Variants in BCLAF3 observed in about 807,000 individuals in gnomAD.
BCLAF3 encodes the protein transient octamer binding factor 1.
A neutral mutation model predicts 51.2 loss-of-function variants in BCLAF3; 24 were observed. The ratio of observed to expected loss-of-function variants is 0.47; its 90% confidence interval spans 0.34 to 0.66. The LOEUF is 0.66. BCLAF3 is among the 30% of genes least tolerant of loss of function. The pLI, the probability that BCLAF3 is intolerant of heterozygous loss-of-function variation, is 0.01. For synonymous variants in BCLAF3, 152 were observed against 176.6 expected, an observed-to-expected ratio of 0.86 and a Z score of 1.10; for missense variants, 465 against 525.1, an observed-to-expected ratio of 0.89 and a Z score of 1.12.
intron 11 of BCLAF3, among the ~76,000 whole-genome samples, chrX:19,927,593 A>C (rs1452871006): frequency 8.9e-6 from 1 of 111,747 alleles, no homozygotes; most frequent in African/African-American, 3.2e-5. Context: ...ATCATGAACT[A>C]AAATGAGCCT....
intron 1 of BCLAF3, among the ~76,000 whole-genome samples, chrX:19,974,022 T>C (rs758296806): frequency 1.8e-5 from 2 of 112,151 alleles, no homozygotes; most frequent in Non-Finnish European, 3.8e-5. Context: ...TGGTACAGTA[T>C]AACCAGTTTG....
chrX:19,982,278 CCAA>C (rs1010125070), intron 1 of BCLAF3, among the ~76,000 whole-genome samples: 5 of 110,316 alleles, frequency 4.5e-5, no homozygotes, highest in Non-Finnish European at 7.6e-5. Context: ...CCCCCTCTCT[CCAA>C]CAACAACAAC....
At chrX:19,958,079 T>C (rs2071727182) in intron 4 of BCLAF3, among the ~76,000 whole-genome samples, 1 of 111,861 alleles carries the variant, frequency 8.9e-6, no homozygotes, top group Non-Finnish European at 1.9e-5. Flanking sequence ...AAAATTAAAA[T>C]ACAGCCAAAA....
chrX:19,973,416 C>T (rs1417058109), intron 1 of BCLAF3, among the ~76,000 whole-genome samples: 1 of 111,646 alleles, frequency 9.0e-6, no homozygotes, highest in East Asian at 2.8e-4. Flanking sequence ...CTCAAGAAAA[C>T]TAATAACCCA....
chrX:19,937,478 G>A lies in BCLAF3; in HGVS notation c.1800C>T (p.Phe600=). Residue 600 remains phenylalanine (F), a synonymous_variant, in exon 9 of 12, where the codon TTC becomes TTT. Coordinates refer to ENST00000379682, the MANE Select transcript of BCLAF3 (RefSeq NM_001367774.2). Reference sequence around the variant, plus strand: ...ATTTTATAAAATGTGTGGGTTTTTGGAATCCATCAGTATGAACATTCTTTA... The same window carrying A: ...ATTTTATAAAATGTGTGGGTTTTTGAAATCCATCAGTATGAACATTCTTTA... ...SKVKNVHTDG[F]QKPTHFIKSN... is the part of the protein sequence containing the mutation. 8.5e-7 allele frequency: 1 copy of A among 1,181,901 alleles called. No individual in the cohort carries two copies. Among genetic ancestry groups the A allele is most frequent in the South Asian group, 1.8e-5 (1 of 54,255 alleles).
intron 7 of BCLAF3, among the ~76,000 whole-genome samples, chrX:19,952,148 C>G (rs918962742): frequency 9.0e-6 from 1 of 111,573 alleles, no homozygotes; most frequent in Non-Finnish European, 1.9e-5. Flanking sequence ...TTTTAAAAAA[C>G]CACAGATTTC....
At chrX:19,937,279 C>A (rs1430158220) in intron 9 of BCLAF3, 139 bp downstream of exon 9, 3 of 483,511 alleles carry the variant, frequency 6.2e-6, no homozygotes, top group Non-Finnish European at 1.1e-5. Flanking sequence ...GTCATAATAA[C>A]TTTAAGCATC....
intron 10 of BCLAF3, among the ~76,000 whole-genome samples, chrX:19,934,440 A>C (rs979226306): frequency 1.8e-5 from 2 of 112,268 alleles, no homozygotes; most frequent in Non-Finnish European, 3.8e-5. Flanking sequence ...AAGAGATCAA[A>C]AGATGGTATA....
intron 1 of BCLAF3, among the ~76,000 whole-genome samples, chrX:19,984,072 C>CA (rs1168246147): frequency 0.11 from 1,740 of 15,138 alleles, 352 homozygotes; most frequent in African/African-American, 0.29. Flanking sequence ...GACTCCATCT[C>CA]AAAAAAAAAA....
intron 11 of BCLAF3, among the ~76,000 whole-genome samples, chrX:19,928,260 T>C (rs1360763957): frequency 9.0e-6 from 1 of 110,619 alleles, no homozygotes; most frequent in Non-Finnish European, 1.9e-5. Context: ...GCAATTCCAA[T>C]TACCAAGTAA....
chrX:19,921,004 C>G (rs1230616224), intron 11 of BCLAF3, among the ~76,000 whole-genome samples: 7 of 111,008 alleles, frequency 6.3e-5, no homozygotes, highest in African/African-American at 2.3e-4. Flanking sequence ...GAATGGGGCT[C>G]AGGAGGCTAT....
At chrX:19,956,238 C>T (rs1421583476) in intron 4 of BCLAF3, among the ~76,000 whole-genome samples, 3 of 111,750 alleles carry the variant, frequency 2.7e-5, no homozygotes, top group Non-Finnish European at 5.6e-5. Context: ...ACTTTAATGC[C>T]TTCTGAATCT....
intron 1 of BCLAF3, among the ~76,000 whole-genome samples, chrX:19,976,991 T>C (rs1383794177): frequency 3.6e-5 from 4 of 111,649 alleles, no homozygotes; most frequent in Non-Finnish European, 5.6e-5. Context: ...ATTATATCTG[T>C]TATGGTGATC....
chrX:19,987,396 C>T (rs2072838287), intron 1 of BCLAF3, among the ~76,000 whole-genome samples: 1 of 112,129 alleles, frequency 8.9e-6, no homozygotes, highest in Non-Finnish European at 1.9e-5. Flanking sequence ...CCTCCGCCTC[C>T]TGGGTTCAAG....
In BCLAF3 at chrX:19,945,723, TTTTG is replaced by T. The variant is rs1271583035; in HGVS notation, c.1745+5026_1745+5029del. Among the ~76,000 whole-genome samples, 3 of 92,109 alleles carry T rather than the reference TTTTG, an allele frequency of 3.3e-5. No individual in the cohort carries two copies. The East Asian group carries it at 9.2e-4, about 28-fold the overall frequency. 80.0% of individuals were successfully genotyped at this position (92,109 alleles called of 115,157 possible). On this transcript the variant is annotated intron_variant, in intron 8 of 11. Transcript: ENST00000379682. ...AAGTCTGCAGAGGTTACTGCTGTCT[TTTTG>T]TTTGTCTGTGCCCTGCCCCCAGAGG...
intron 1 of BCLAF3, among the ~76,000 whole-genome samples, chrX:19,984,021 G>C (rs1209351997): frequency 2.1e-5 from 2 of 94,882 alleles, no homozygotes; most frequent in African/African-American, 8.2e-5. Context: ...GCAGTGAGCC[G>C]AGATCGTGCT....
At chrX:19,938,356 C>T (rs1471543367) in intron 8 of BCLAF3, among the ~76,000 whole-genome samples, 1 of 111,373 alleles carries the variant, frequency 9.0e-6, no homozygotes, top group Non-Finnish European at 1.9e-5. Flanking sequence ...CTTGCTACCT[C>T]GCTCCAATCT....
chrX:19,965,118 T>G lies in BCLAF3; in HGVS notation c.1200A>C (p.Lys400Asn). The G allele has an allele frequency of 8.3e-7, 1 of 1,203,589 alleles. No homozygotes were observed. The highest frequency in any genetic ancestry group is 1.1e-6 in the Non-Finnish European group (1 of 892,863). Residue 400 changes from lysine to asparagine, a missense_variant, in exon 4 of 12, where the codon AAA becomes AAC. Transcript: ENST00000379682. Reference sequence around the variant, plus strand: ...TCTTCCTAAGATTGATAGGCGAGGGTTTCACATCAGGAAGTTTTTGACTTT... The same window carrying G: ...TCTTCCTAAGATTGATAGGCGAGGGGTTCACATCAGGAAGTTTTTGACTTT... ...LDKSQKLPDV[K>N]PSPINLRKKS...
intron 1 of BCLAF3, among the ~76,000 whole-genome samples, chrX:19,977,195 C>T (rs1380126324): frequency 9.0e-6 from 1 of 111,400 alleles, no homozygotes; most frequent in Non-Finnish European, 1.9e-5. Context: ...AAAATGGCCT[C>T]TAAATGTTCA....
Sources: allele counts gnomAD v4.1 joint callset (sites outside exome capture counted in the v4.1 genomes callset), GRCh38; gene constraint gnomAD v4.1.1; transcripts MANE v1.5; gene names NCBI Gene and HGNC (gene_info 2026-07-23, HGNC 2026-07-21).